Variants in INPPL1 observed in about 807,000 individuals in gnomAD.
The protein encoded by INPPL1 is inositol polyphosphate phosphatase like 1.
Under a neutral mutation model 139.3 loss-of-function variants are expected in INPPL1, and 91 were observed. The ratio of observed to expected loss-of-function variants is 0.65; its 90% CI spans 0.55 to 0.78. The LOEUF is 0.78. INPPL1 is among the 30% of genes least tolerant of loss of function. The pLI is 0.00. For synonymous variants in INPPL1, 719 were observed against 686.6 expected, an observed-to-expected ratio of 1.05 and a Z score of -0.74; for missense variants, 1,411 against 1,665.6, an observed-to-expected ratio of 0.85 and a Z score of 2.66.
intron 26 of INPPL1, 22 bp from the exon 27 acceptor site, chr11:72,238,020 C>T: frequency 4.6e-6 from 7 of 1,519,714 alleles, no homozygotes; most frequent in Non-Finnish European, 5.3e-6. Context: ...TCAGCTCCCC[C>T]TGACATGCCC....
rs374222226 is a variant in INPPL1 at position 72,234,418 on chromosome 11, G to C, written c.2326+24G>C. On this transcript the variant is annotated intron_variant, in intron 20 of 27. Coordinates refer to ENST00000298229, the MANE Select transcript of INPPL1 (RefSeq NM_001567.4). The surrounding 1 kb of genome is among the most constrained non-coding windows in gnomAD (Gnocchi z 4.2). ...GGGTCAGAGGCGTGGCAGGGGCTGG[G>C]TGTGGGCCAAGGAGGATGGGAGGCA... The C allele has an allele frequency of 6.2e-7, 1 of 1,607,674 alleles. No individual in the cohort carries two copies. Among genetic ancestry groups the C allele is most frequent in the South Asian group, 1.1e-5 (1 of 90,956 alleles).
chr11:72,231,143 T>TA lies in INPPL1; in HGVS notation c.1452dup (p.Leu485ThrfsTer67). The TA allele has an allele frequency of 6.2e-7, 1 of 1,613,716 alleles. No individual in the cohort carries two copies. The highest frequency in any genetic ancestry group is 2.2e-5 in the East Asian group (1 of 44,884). On this transcript the variant is annotated frameshift_variant, in exon 12 of 28. Transcript: ENST00000298229. LOFTEE classifies it high-confidence loss of function. ...GTGGGCGACCGCGAGTGGCTGGACCTACTGCGCGGGGGCCTCAAGGAGCTT... is the reference window on the plus strand; with the variant it reads ...GTGGGCGACCGCGAGTGGCTGGACCTAACTGCGCGGGGGCCTCAAGGAGCTT...
At position 72,237,398 on chromosome 11, in the gene INPPL1, G is replaced by T. The variant is rs753741099; in HGVS notation, c.3154G>T (p.Asp1052Tyr). The change falls in exon 26 of 28, where the codon GAC becomes TAC. Residue 1052 changes from aspartate (D) to tyrosine (Y), a missense_variant. By Grantham distance (160) the Asp-to-Tyr change is radical. Around this residue, in one of 5 missense-constraint regions of INPPL1, gnomAD observed 438 missense variants for 425.7 expected, o/e 1.03. Coordinates refer to ENST00000298229, the MANE Select transcript of INPPL1 (RefSeq NM_001567.4). ...EESGGTLPPP[D>Y]FPPPPLPDSA... ...GTCTGGAGGCACACTGCCCCCTCCA[G>T]ACTTTCCACCTCCACCACTGCCGGA... 1.2e-6 allele frequency: 2 copies of T among 1,613,354 alleles called. No homozygotes were observed. Among genetic ancestry groups the T allele is most frequent in the Non-Finnish European group, 1.7e-6 (2 of 1,179,770 alleles).
In INPPL1 at chr11:72,228,581, C is replaced by T; in HGVS notation, c.397+83C>T. 2 of 1,561,026 alleles carry T rather than the reference C, an allele frequency of 1.3e-6. No individual in the cohort carries two copies. The highest frequency in any genetic ancestry group is 2.3e-5 in the South Asian group (2 of 88,240). ...TTCCCATCCCCCCTTCTCAACCCCACCTCTCCTGTAACCCCCTTTCCCTTG... is the reference window on the plus strand; with the variant it reads ...TTCCCATCCCCCCTTCTCAACCCCATCTCTCCTGTAACCCCCTTTCCCTTG... On this transcript the variant is annotated intron_variant, in intron 3 of 27. Coordinates refer to ENST00000298229, the MANE Select transcript of INPPL1 (RefSeq NM_001567.4). This position sits in a 1 kb window ranked among gnomAD's most constrained non-coding sequence, Gnocchi z 5.0.
In INPPL1 at chr11:72,229,730, TC is replaced by T. The variant is rs1403335759; in HGVS notation, c.823del (p.Leu275CysfsTer9). ...CTGAAGCTGTCAGTGCTAAAGGACT[TC>T]CTGTCAGGCATCCAGAAGAAGGTGG... ...LVLKLSVLKD[F>X]LSGIQKKALK... On this transcript the variant is annotated frameshift_variant, in exon 7 of 28. Coordinates refer to ENST00000298229, the MANE Select transcript of INPPL1 (RefSeq NM_001567.4). LOFTEE classifies it high-confidence loss of function. The T allele has an allele frequency of 1.9e-6, 3 of 1,614,008 alleles. No individual in the cohort carries two copies. The highest frequency in any genetic ancestry group is 2.5e-6 in the Non-Finnish European group (3 of 1,180,010).
rs1948943742 is a variant in INPPL1 at position 72,234,973 on chromosome 11, T to A, written c.2416-143T>A. 3 of 676,908 alleles carry A rather than the reference T, an allele frequency of 4.4e-6. No individual in the cohort carries two copies. The African/African-American group carries it at 5.4e-5, about 12-fold the overall frequency. 41.9% of individuals were successfully genotyped at this position (676,908 alleles called of 1,614,324 possible). A position where few individuals can be genotyped will look rare whatever the true frequency, so the allele number is the denominator to read the frequency against. On this transcript the variant is annotated intron_variant, in intron 21 of 27. Transcript: ENST00000298229. This position sits in a 1 kb window ranked among gnomAD's most constrained non-coding sequence, Gnocchi z 4.2. Reference sequence around the variant, plus strand: ...AGGGCTGTGTCTTCTGCATTAAGGATTTGGCTCTTCTCTGAAGAGTTGAGT... The same window carrying A: ...AGGGCTGTGTCTTCTGCATTAAGGAATTGGCTCTTCTCTGAAGAGTTGAGT...
Position 72,238,382 on chromosome 11 carries a change from CAG to C in INPPL1, c.*32_*33del. The stretch of plus-strand genomic sequence containing the variant: ...CGGAGGCACCACGAAGCTGTGAACT[CAG>C]AGCCCCTCCCTGCTACCAAGGCCCA... On this transcript the variant is annotated 3_prime_UTR_variant, in exon 28 of 28. Coordinates refer to ENST00000298229, the MANE Select transcript of INPPL1 (RefSeq NM_001567.4). 3 of 1,503,922 alleles carry C rather than the reference CAG, an allele frequency of 2.0e-6. No individual in the cohort carries two copies. The highest frequency in any genetic ancestry group is 1.4e-5 in the South Asian group (1 of 74,004). The allele number at this position is 1,503,922 out of a possible 1,614,324, so 93.2% of individuals were successfully genotyped here.
At position 72,238,058 on chromosome 11, in the gene INPPL1, G is replaced by C. The variant is rs1309303132; in HGVS notation, c.3569G>C (p.Gly1190Ala). ...DLAEEAPCLQ[G>A]GRASGLGEAG... Reference sequence around the variant, plus strand: ...TTTCCTTAGGCTCCGTGCCTGCAGGGCGGGCGGGCCAGCGGGCTGGGCGAG... The same window carrying C: ...TTTCCTTAGGCTCCGTGCCTGCAGGCCGGGCGGGCCAGCGGGCTGGGCGAG... The change falls in exon 27 of 28, where the codon GGC (glycine) becomes GCC (alanine). Residue 1190 changes from glycine (G) to alanine (A), a missense_variant. Gly to Ala is a moderately conservative substitution (Grantham distance 60). Coordinates refer to ENST00000298229, the MANE Select transcript of INPPL1 (RefSeq NM_001567.4). 2 of 1,561,074 alleles carry C rather than the reference G, an allele frequency of 1.3e-6. No homozygotes were observed. Among genetic ancestry groups the C allele is most frequent in the Admixed American group, 3.8e-5 (2 of 52,980 alleles).
In INPPL1 at chr11:72,225,140, G is replaced by A; in HGVS notation, c.156G>A (p.Val52=). 1 of 1,232,254 alleles carries A rather than the reference G, an allele frequency of 8.1e-7. No homozygotes were observed. Among genetic ancestry groups the A allele is most frequent in the Non-Finnish European group, 1.0e-6 (1 of 987,970 alleles). The allele number at this position is 1,232,254 out of a possible 1,614,324, so 76.3% of individuals were successfully genotyped here. Reference sequence around the variant, plus strand: ...TCCTGGTCCGAGACAGCGAGAGCGTGGCGGGGGCCTTCGCGCTCTGCGTCC... The same window carrying A: ...TCCTGGTCCGAGACAGCGAGAGCGTAGCGGGGGCCTTCGCGCTCTGCGTCC... ...GSFLVRDSES[V]AGAFALCVLY... Residue 52 remains valine, a synonymous_variant, in exon 1 of 28, where the codon GTG becomes GTA. Transcript: ENST00000298229.
rs1948776792 is a variant in INPPL1 at position 72,229,702 on chromosome 11, G to C, written c.793G>C (p.Val265Leu). 1 of 1,614,080 alleles carries C rather than the reference G, an allele frequency of 6.2e-7. No individual in the cohort carries two copies. Among genetic ancestry groups the C allele is most frequent in the Non-Finnish European group, 8.5e-7 (1 of 1,180,024 alleles). Reference protein sequence around the residue: ...QTGEQELESLVLKLSVLKDFL... With the variant: ...QTGEQELESLLLKLSVLKDFL... ...AGGGGAGCAGGAACTAGAGAGCCTG[G>C]TGCTGAAGCTGTCAGTGCTAAAGGA... Residue 265 changes from valine to leucine, a missense_variant, in exon 7 of 28, where the codon GTG (valine) becomes CTG (leucine). Around this residue, in one of 5 missense-constraint regions of INPPL1, gnomAD observed 504 missense variants for 595.6 expected, o/e 0.85. Transcript: ENST00000298229.
intron 6 of INPPL1, 33 bp from the exon 7 acceptor site, chr11:72,229,630 C>T (rs1252911115): frequency 6.2e-7 from 1 of 1,612,218 alleles, no homozygotes; most frequent in Non-Finnish European, 8.5e-7. Flanking sequence ...GCTTAGGTGA[C>T]TCATGTACAA....
intron 19 of INPPL1, 62 bp downstream of exon 19, chr11:72,233,806 C>T (rs183127059): frequency 4.5e-6 from 6 of 1,342,840 alleles, no homozygotes; most frequent in Admixed American, 1.7e-5. Flanking sequence ...GTGGTGGCCT[C>T]GGGATGTACA....
At chr11:72,224,715 C>T (rs1948616517), upstream of INPPL1, 1 of 154,930 alleles carries the variant, frequency 6.5e-6, no homozygotes, top group Non-Finnish European at 1.4e-5. Context: ...GGGCGGCAGC[C>T]GGCCCTGCGC....
rs797044468 is a variant in INPPL1 at position 72,229,676 on chromosome 11, CA to C, written c.768del (p.Glu258SerfsTer4). 6.2e-7 allele frequency: 1 copy of C among 1,614,058 alleles called. No homozygotes were observed. The highest frequency in any genetic ancestry group is 8.5e-7 in the Non-Finnish European group (1 of 1,179,970). On this transcript the variant is annotated frameshift_variant, in exon 7 of 28. Transcript: ENST00000298229. LOFTEE classifies it high-confidence loss of function. ...RLLQQQNLPQ[T>X]GEQELESLVL... ...TCCTCCCCCCAGAACCTGCCACAGA[CA>C]GGGGAGCAGGAACTAGAGAGCCTGG...
In INPPL1 at chr11:72,234,151, G is replaced by T. The variant is rs1948915460; in HGVS notation, c.2213-130G>T. ...ATTCCCTGTTGGTGGCTTGGGACTG[G>T]GGAGGCCCCTCCTGGCCCTGCCTCC... On this transcript the variant is annotated intron_variant, in intron 19 of 27. Transcript: ENST00000298229. This position sits in a 1 kb window ranked among gnomAD's most constrained non-coding sequence, Gnocchi z 4.2. 1.4e-6 allele frequency: 1 copy of T among 691,052 alleles called. No homozygotes were observed. The highest frequency in any genetic ancestry group is 2.3e-5 in the Admixed American group (1 of 43,348). 42.8% of individuals were successfully genotyped at this position (691,052 alleles called of 1,614,324 possible). A position where few individuals can be genotyped will look rare whatever the true frequency, so the allele number is the denominator to read the frequency against.
chr11:72,229,834 A>C, intron 7 of INPPL1, 82 bp downstream of exon 7: 1 of 1,561,478 alleles, frequency 6.4e-7, no homozygotes, highest in Non-Finnish European at 8.8e-7. Flanking sequence ...TCAGTCTACA[A>C]CTTAACATTG....
Position 72,234,205 on chromosome 11 carries a change from A to C in INPPL1, c.2213-76A>C. ...CTCTGGACCCCTGATTTCCTGTCCC[A>C]GGGCCCTGTTTCTCTGTCCCATTCC... On this transcript the variant is annotated intron_variant, in intron 19 of 27. Transcript: ENST00000298229. The surrounding 1 kb of genome is among the most constrained non-coding windows in gnomAD (Gnocchi z 4.2). 8.7e-7 allele frequency: 1 copy of C among 1,153,182 alleles called. No individual in the cohort carries two copies. Among genetic ancestry groups the C allele is most frequent in the Non-Finnish European group, 1.3e-6 (1 of 768,520 alleles). 71.4% of individuals were successfully genotyped at this position (1,153,182 alleles called of 1,614,324 possible).
chr11:72,231,960 T>C (rs1948846697), intron 13 of INPPL1, among the ~76,000 whole-genome samples: 3 of 152,152 alleles, frequency 2.0e-5, no homozygotes, highest in African/African-American at 4.8e-5. Flanking sequence ...GCGCAGAATC[T>C]GCAGGGCCTT....
chr11:72,235,420 GGAGCGCCTGGGCACCCGT>G lies in INPPL1; in HGVS notation c.2634_2651del (p.Gly880_Leu885del). 1.9e-6 allele frequency: 3 copies of G among 1,613,428 alleles called. No homozygotes were observed. The highest frequency in any genetic ancestry group is 2.5e-6 in the Non-Finnish European group (3 of 1,179,998). Reference sequence around the variant, plus strand: ...GCTCCATGAAGGTGCGGGTGCCCACGGAGCGCCTGGGCACCCGTGAGCGGCTCTACGGTGGGGACTCCA... The same window carrying G: ...GCTCCATGAAGGTGCGGGTGCCCACGGAGCGGCTCTACGGTGGGGACTCCA... On this transcript the variant is annotated inframe_deletion, in exon 23 of 28. Coordinates refer to ENST00000298229, the MANE Select transcript of INPPL1 (RefSeq NM_001567.4). The surrounding 1 kb of genome is among the most constrained non-coding windows in gnomAD (Gnocchi z 4.9).
Sources: allele counts gnomAD v4.1 joint callset (sites outside exome capture counted in the v4.1 genomes callset), GRCh38; gene constraint gnomAD v4.1.1; regional missense constraint gnomAD v4.1.1; non-coding constraint Gnocchi (gnomAD v3.1); transcripts MANE v1.5; gene names NCBI Gene and HGNC (gene_info 2026-07-23, HGNC 2026-07-21).